PARG: variants seen among roughly 807,000 people sequenced by gnomAD.
PARG encodes the protein mitochondrial poly(ADP-ribose) glycohydrolase.
A neutral mutation model predicts 113.0 loss-of-function variants in PARG; 35 were observed. That is an observed-to-expected ratio of 0.31 (90% confidence interval 0.24 to 0.41). The LOEUF is 0.41. Ranked by LOEUF, PARG falls within the 10% of genes least tolerant of loss-of-function variation. The probability of loss-of-function intolerance (pLI) is 1.00; values close to 1 mark genes in which losing one functional copy is unlikely to be tolerated. For synonymous variants in PARG, 330 were observed against 409.9 expected, an observed-to-expected ratio of 0.81 and a Z score of 2.36; for missense variants, 797 against 1,169.4, an observed-to-expected ratio of 0.68 and a Z score of 4.64.
intron 7 of PARG, among the ~76,000 whole-genome samples, chr10:49,892,806 G>A (rs1847873935): frequency 6.6e-6 from 1 of 152,254 alleles, no homozygotes; most frequent in Admixed American, 6.5e-5. Context: ...TTCACGCCAG[G>A]CACGGTGGCT....
intron 7 of PARG, among the ~76,000 whole-genome samples, chr10:49,915,365 G>C (rs1837412927): frequency 6.6e-6 from 1 of 152,096 alleles, no homozygotes; most frequent in African/African-American, 2.4e-5. Flanking sequence ...GACTCTCTCT[G>C]CTAATGGTAC....
At chr10:49,854,445 C>T (rs1440415606) in intron 13 of PARG, among the ~76,000 whole-genome samples, 1 of 152,202 alleles carries the variant, frequency 6.6e-6, no homozygotes, top group African/African-American at 2.4e-5. Flanking sequence ...TAACCAAAAG[C>T]TTCAAAGGAA....
chr10:49,875,009 CAGA>C (rs1228392379), intron 9 of PARG, among the ~76,000 whole-genome samples: 1 of 53,642 alleles, frequency 1.9e-5, no homozygotes, highest in African/African-American at 7.1e-5. Context: ...TTGCTCCCTA[CAGA>C]ACTCTGTGGA....
At chr10:49,857,180 A>G (rs1846036605) in intron 13 of PARG, 126 bp downstream of exon 13, 2 of 574,448 alleles carry the variant, frequency 3.5e-6, no homozygotes, top group Admixed American at 6.6e-5. Context: ...GTATAAATTA[A>G]TGGATAAAAA....
intron 1 of PARG, among the ~76,000 whole-genome samples, chr10:49,935,872 C>T (rs1838716563): frequency 6.6e-6 from 1 of 151,728 alleles, no homozygotes; most frequent in African/African-American, 2.4e-5. Context: ...CTTGAATGAC[C>T]CACAAAGAGA....
intron 6 of PARG, among the ~76,000 whole-genome samples, chr10:49,916,935 A>T (rs1307187086): frequency 6.6e-6 from 1 of 152,088 alleles, no homozygotes; most frequent in Non-Finnish European, 1.5e-5. Context: ...TTATCATTGA[A>T]TAAGTTTTTA....
At chr10:49,839,335 CAA>C (rs782231185) in intron 15 of PARG, among the ~76,000 whole-genome samples, 5 of 112,346 alleles carry the variant, frequency 4.5e-5, no homozygotes, top group Admixed American at 9.1e-5. Flanking sequence ...AATTCCGTCT[CAA>C]AAAAAAAAAA....
At chr10:49,898,316 T>C (rs2132726985) in intron 7 of PARG, among the ~76,000 whole-genome samples, 1 of 152,196 alleles carries the variant, frequency 6.6e-6, no homozygotes, top group Non-Finnish European at 1.5e-5. Flanking sequence ...TTCTGGAGCC[T>C]CCTTCTTCTT....
At chr10:49,897,174 T>C (rs1848129331) in intron 7 of PARG, among the ~76,000 whole-genome samples, 1 of 152,216 alleles carries the variant, frequency 6.6e-6, no homozygotes, top group African/African-American at 2.4e-5. Flanking sequence ...CTGACTTCAT[T>C]AAATACTATG....
rs548152026 is a variant in PARG, at chr10:49,836,679, G to C, written c.2542-3771C>G. ...GTGACACATATTTTATGAAAAGACT[G>C]TAAGTGCTCAGATGCTGAACTTCTT... On this transcript the variant is annotated intron_variant, in intron 15 of 17. Coordinates refer to ENST00000616448, the MANE Select transcript of PARG (RefSeq NM_003631.5). 8.5e-5 allele frequency among the ~76,000 whole-genome samples: 13 copies of C among 152,256 alleles called. No individual in the cohort carries two copies. The South Asian group carries it at 2.1e-3, about 24-fold the overall frequency.
intron 7 of PARG, among the ~76,000 whole-genome samples, chr10:49,913,552 C>T (rs1837310894): frequency 6.6e-6 from 1 of 152,074 alleles, no homozygotes. Context: ...GAAATAAATA[C>T]TTAGTGTAGT....
chr10:49,829,213 G>T (rs1229007120), intron 16 of PARG, among the ~76,000 whole-genome samples: 1 of 152,010 alleles, frequency 6.6e-6, no homozygotes, highest in Non-Finnish European at 1.5e-5. Context: ...TCCAGCCTGG[G>T]CGACAGTGCA....
rs200918817 is a variant in PARG at position 49,922,432 on chromosome 10, A to G, written c.1579-13T>C. 1,273 of 1,609,376 alleles carry G rather than the reference A, an allele frequency of 7.9e-4. 7 individuals carry two copies. The highest frequency in any genetic ancestry group is 2.9e-3 in the South Asian group (264 of 90,540). ...TTCGCTCACCATTCTTTTGGAAAAA[A>G]GAAAAACATATGAGGAAGCTATTCT... On this transcript the variant is annotated splice_polypyrimidine_tract_variant and intron_variant, in intron 5 of 17. Transcript: ENST00000616448.
rs1384651009 is a variant in PARG at position 49,941,813 on chromosome 10, C to G, written c.-88G>C. The stretch of plus-strand genomic sequence containing the variant: ...TGAGAGAGATGGACTGCGCCTCCTT[C>G]TCAGCGCCTGCCTGCACCATTCCCT... On this transcript the variant is annotated 5_prime_UTR_variant, in exon 1 of 18. Transcript: ENST00000616448. 9.8e-6 allele frequency: 15 copies of G among 1,534,500 alleles called. No individual in the cohort carries two copies. The African/African-American group carries it at 1.2e-4, about 13-fold the overall frequency.
intron 7 of PARG, among the ~76,000 whole-genome samples, chr10:49,914,617 T>C (rs1329336477): frequency 6.6e-6 from 1 of 152,130 alleles, no homozygotes; most frequent in Non-Finnish European, 1.5e-5. Context: ...CAGAGTGAAA[T>C]GCAAAGAATC....
At chr10:49,853,676 T>C (rs1239441632) in intron 13 of PARG, among the ~76,000 whole-genome samples, 4 of 152,022 alleles carry the variant, frequency 2.6e-5, no homozygotes, top group Non-Finnish European at 1.5e-5. Context: ...AATGCAGTAC[T>C]CCAAGTCACT....
chr10:49,932,083 T>G lies in PARG; in HGVS notation c.1455+17A>C. ...ACTTCCAGTCTTCTCTCATCATAGA[T>G]AAGAGGTGCTACCTACCCGAATAGT... On this transcript the variant is annotated intron_variant, in intron 4 of 17. Coordinates refer to ENST00000616448, the MANE Select transcript of PARG (RefSeq NM_003631.5). The G allele has an allele frequency of 7.0e-7, 1 of 1,428,782 alleles. No homozygotes were observed. The highest frequency in any genetic ancestry group is 1.1e-5 in the South Asian group (1 of 87,004). The allele number at this position is 1,428,782 out of a possible 1,614,324, so 88.5% of individuals were successfully genotyped here.
At chr10:49,873,456 G>C (rs1554837932) in intron 9 of PARG, among the ~76,000 whole-genome samples, 1 of 151,438 alleles carries the variant, frequency 6.6e-6, no homozygotes, top group Non-Finnish European at 1.5e-5. Context: ...AGAGCATTTT[G>C]CTCATGACAG....
At chr10:49,849,732 G>A (rs1207417314) in intron 13 of PARG, among the ~76,000 whole-genome samples, 1 of 152,162 alleles carries the variant, frequency 6.6e-6, no homozygotes, top group Non-Finnish European at 1.5e-5. Flanking sequence ...TAAATTATAG[G>A]CGGGGTGTGT....
Sources: gnomAD v4.1 joint callset for allele counts (sites outside exome capture counted in the v4.1 genomes callset) on GRCh38, gnomAD v4.1.1 for gene constraint, MANE v1.5 for transcripts, NCBI Gene and HGNC (gene_info 2026-07-23, HGNC 2026-07-21) for gene names.